The following IFT52 variants were observed in gnomAD, a reference collection of about 807,000 sequenced individuals.
IFT52 encodes the protein intraflagellar transport 52.
IFT52 carries 44 observed loss-of-function variants against 54.4 expected under a neutral mutation model. That is an observed-to-expected ratio of 0.81 (90% CI 0.63 to 1.04). IFT52 has a LOEUF of 1.04. IFT52 is among the 50% of genes least tolerant of loss of function. The probability of loss-of-function intolerance (pLI) is 0.00; values close to 1 mark genes in which losing one functional copy is unlikely to be tolerated. For missense variants in IFT52, 452 were observed against 523.6 expected (o/e 0.86, Z 1.33); for synonymous variants, 181 against 185.3 (o/e 0.98, Z 0.19).
intron 10 of IFT52, 38 bp downstream of exon 10, chr20:43,624,083 A>C (rs781478288): frequency 6.3e-7 from 1 of 1,599,742 alleles, no homozygotes; most frequent in African/African-American, 1.3e-5. Flanking sequence ...ACTGCACTCC[A>C]TTCTGAGTGT....
chr20:43,633,580 C>T (rs1028540677), intron 10 of IFT52, among the ~76,000 whole-genome samples: 6 of 150,874 alleles, frequency 4.0e-5, no homozygotes, highest in Non-Finnish European at 7.4e-5. Context: ...TGGTGGCACG[C>T]GTTTGTAGTC....
chr20:43,634,475 C>A lies in IFT52; in HGVS notation c.924-1451C>A, dbSNP rs906038424. 2.0e-5 allele frequency among the ~76,000 whole-genome samples: 3 copies of A among 152,130 alleles called. No homozygotes were observed. In the East Asian group the frequency reaches 5.8e-4, roughly 29 times the overall value. ...AACAGACAGAAACTAGACTAACTTC[C>A]ATGAAATTAAATTCCATTAAAATAT... On this transcript the variant is annotated intron_variant, in intron 10 of 13. Coordinates refer to ENST00000373030, the MANE Select transcript of IFT52 (RefSeq NM_016004.5).
At chr20:43,600,295 T>G (rs916015897) in intron 3 of IFT52, among the ~76,000 whole-genome samples, 4 of 151,816 alleles carry the variant, frequency 2.6e-5, no homozygotes, top group African/African-American at 9.7e-5. Context: ...TAACTCTTGG[T>G]AAAGTTCTAT....
In IFT52 at chr20:43,633,291, C is replaced by T. The variant is rs142100399; in HGVS notation, c.924-2635C>T. On this transcript the variant is annotated intron_variant, in intron 10 of 13. Coordinates refer to ENST00000373030, the MANE Select transcript of IFT52 (RefSeq NM_016004.5). The stretch of plus-strand genomic sequence containing the variant: ...CCGGAAGGCGGAGGTTGCGGTGAGC[C>T]GAGATCATGCCATTGTCCTCCAGCC... 8.1e-3 allele frequency among the ~76,000 whole-genome samples: 1,218 copies of T among 150,720 alleles called. 22 individuals carry two copies. Among genetic ancestry groups the T allele is most frequent in the East Asian group, 0.072 (365 of 5,088 alleles).
At position 43,593,627 on chromosome 20, in the gene IFT52, T is replaced by G. The variant is rs182602463; in HGVS notation, c.-6-1066T>G. ...GTGTTCTCCAGGCTGGAGTGCAGAG[T>G]GGCGTGATTGTGGCTCACTGCAGCC... On this transcript the variant is annotated intron_variant, in intron 1 of 13. Transcript: ENST00000373030. Among the ~76,000 whole-genome samples the G allele has an allele frequency of 7.7e-4, 117 of 152,174 alleles. 1 individual carries two copies. The highest frequency in any genetic ancestry group is 2.6e-3 in the African/African-American group (108 of 41,510).
At chr20:43,605,283 C>T (rs746358501) in intron 6 of IFT52, 5 of 1,250,470 alleles carry the variant, frequency 4.0e-6, no homozygotes, top group Non-Finnish European at 4.1e-6. Flanking sequence ...TGGTGGCTCA[C>T]GCCTGTAATC....
chr20:43,620,984 A>G lies in IFT52; in HGVS notation c.768+59A>G, dbSNP rs543133112. The G allele has an allele frequency of 1.6e-5, 19 of 1,171,290 alleles. No individual in the cohort carries two copies. In the South Asian group the frequency reaches 2.0e-4, roughly 13 times the overall value. The allele number at this position is 1,171,290 out of a possible 1,614,324, so 72.6% of individuals were successfully genotyped here. ...AAAATGAGTCCAGCTTCTCAGTACC[A>G]CTTCTCACAGCTCAAAAGGAATACA... On this transcript the variant is annotated intron_variant, in intron 9 of 13. Coordinates refer to ENST00000373030, the MANE Select transcript of IFT52 (RefSeq NM_016004.5).
chr20:43,620,571 G>A (rs191766725), intron 8 of IFT52, among the ~76,000 whole-genome samples: 8 of 152,244 alleles, frequency 5.3e-5, no homozygotes, highest in African/African-American at 7.2e-5. Flanking sequence ...CAGGAGAATC[G>A]CTTGAACCCA....
intron 9 of IFT52, 151 bp from the exon 10 acceptor site, chr20:43,623,740 T>C: frequency 1.2e-6 from 1 of 844,718 alleles, no homozygotes; most frequent in Non-Finnish European, 1.8e-6. Context: ...ATAAATTGGC[T>C]TATTTAAGGT....
At position 43,614,960 on chromosome 20, in the gene IFT52, C is replaced by G. The variant is rs1983749018; in HGVS notation, c.612+984C>G. ...AGTAGCTGGGATTACAGGTGCCTGC[C>G]ACCAAGCATGGCTAATTTTTGTATT... On this transcript the variant is annotated intron_variant, in intron 7 of 13. Transcript: ENST00000373030. 2.6e-5 allele frequency among the ~76,000 whole-genome samples: 4 copies of G among 152,080 alleles called. No individual in the cohort carries two copies. In the South Asian group the frequency reaches 8.3e-4, roughly 32 times the overall value.
chr20:43,597,283 A>G (rs4810386), intron 3 of IFT52, among the ~76,000 whole-genome samples: 109,244 of 150,496 alleles, frequency 0.73, 40,082 homozygotes, highest in East Asian at 0.8. Context: ...AGGCAGGAGA[A>G]TCGCTTGAAC....
chr20:43,594,822 C>A lies in IFT52; in HGVS notation c.119+5C>A. The A allele has an allele frequency of 7.2e-7, 1 of 1,389,866 alleles. No individual in the cohort carries two copies. Among genetic ancestry groups the A allele is most frequent in the Non-Finnish European group, 1.0e-6 (1 of 975,740 alleles). The allele number at this position is 1,389,866 out of a possible 1,614,324, so 86.1% of individuals were successfully genotyped here. ...GAGTAATTGGAAGATTCAGAGGTGA[C>A]TGACCATGTATATTGTTTTCCCTTC... is the stretch of plus-strand genomic sequence containing the variant. On this transcript the variant is annotated splice_donor_5th_base_variant and intron_variant, in intron 2 of 13. Transcript: ENST00000373030.
At chr20:43,632,330 G>A (rs1160978179) in intron 10 of IFT52, among the ~76,000 whole-genome samples, 4 of 139,252 alleles carry the variant, frequency 2.9e-5, no homozygotes, top group African/African-American at 8.1e-5. Flanking sequence ...GTGCAGTCTC[G>A]GTTCACTGCA....
At chr20:43,628,040 CCT>C (rs1984876680) in intron 10 of IFT52, among the ~76,000 whole-genome samples, 1 of 148,010 alleles carries the variant, frequency 6.8e-6, no homozygotes, top group Admixed American at 6.9e-5. Context: ...GATCCTCCTA[CCT>C]CTCAGCCTCC....
intron 6 of IFT52, among the ~76,000 whole-genome samples, chr20:43,607,084 C>T (rs551834961): frequency 4.6e-5 from 7 of 152,374 alleles, no homozygotes; most frequent in East Asian, 3.9e-4. Context: ...GGCCCGTTCT[C>T]AATGAGCTGT....
chr20:43,601,403 AC>A (rs1982430017), intron 3 of IFT52, among the ~76,000 whole-genome samples: 1 of 151,992 alleles, frequency 6.6e-6, no homozygotes, highest in Non-Finnish European at 1.5e-5. Context: ...GAAATAAGAA[AC>A]CTCCAGTTTG....
intron 10 of IFT52, among the ~76,000 whole-genome samples, chr20:43,627,617 G>A (rs1984824467): frequency 6.6e-6 from 1 of 152,210 alleles, no homozygotes; most frequent in South Asian, 2.1e-4. Context: ...TTATACTGGT[G>A]GGAATGTTCC....
chr20:43,601,950 G>A (rs1982478781), intron 3 of IFT52, among the ~76,000 whole-genome samples: 1 of 152,076 alleles, frequency 6.6e-6, no homozygotes, highest in Non-Finnish European at 1.5e-5. Context: ...CAGGTCCTAG[G>A]ACTAACGCTA....
At chr20:43,596,002 CAT>C (rs1220955269) in intron 2 of IFT52, among the ~76,000 whole-genome samples, 1 of 152,216 alleles carries the variant, frequency 6.6e-6, no homozygotes, top group Non-Finnish European at 1.5e-5. Context: ...TAATTATACA[CAT>C]GTAGCTTTTT....
Sources: gnomAD v4.1 joint callset for allele counts (sites outside exome capture counted in the v4.1 genomes callset) on GRCh38, gnomAD v4.1.1 for gene constraint, MANE v1.5 for transcripts, NCBI Gene and HGNC (gene_info 2026-07-23, HGNC 2026-07-21) for gene names.